Variants in MSRA observed in about 807,000 individuals in gnomAD.
MSRA encodes the protein methionine sulfoxide reductase A.
Under a neutral mutation model 31.3 loss-of-function variants are expected in MSRA, and 54 were observed. The observed-to-expected ratio is 1.73, with a 90% CI of 1.39 to 2.17. The LOEUF (loss-of-function observed/expected upper bound fraction) is 2.17. Ranked by LOEUF, MSRA falls within the 30% of genes most tolerant of loss-of-function variation. The pLI is 0.00. For missense variants in MSRA, 507 were observed against 300.9 expected (o/e 1.69, Z -5.07); for synonymous variants, 169 against 116.5 (o/e 1.45, Z -2.90).
At position 10,410,184 on chromosome 8, in the gene MSRA, T is replaced by G. The variant is rs541628141; in HGVS notation, c.544-17964T>G. Among the ~76,000 whole-genome samples, 3 of 152,318 alleles carry G rather than the reference T, an allele frequency of 2.0e-5. No homozygotes were observed. The East Asian group carries it at 5.8e-4, about 29-fold the overall frequency. On this transcript the variant is annotated intron_variant, in intron 5 of 5. Coordinates refer to ENST00000317173, the MANE Select transcript of MSRA (RefSeq NM_012331.5). ...CATCCGTTGCTGTGGGTTTGTGACATTGTGACATGGAGTATGCATGTGTGG... is the reference window on the plus strand; with the variant it reads ...CATCCGTTGCTGTGGGTTTGTGACAGTGTGACATGGAGTATGCATGTGTGG...
intron 1 of MSRA, among the ~76,000 whole-genome samples, chr8:10,150,439 C>G (rs1425038567): frequency 6.6e-6 from 1 of 152,170 alleles, no homozygotes; most frequent in African/African-American, 2.4e-5. Flanking sequence ...AAATACATAA[C>G]TCTAAACATC....
intron 1 of MSRA, among the ~76,000 whole-genome samples, chr8:10,130,982 G>T (rs996768441): frequency 3.3e-5 from 5 of 152,206 alleles, no homozygotes; most frequent in African/African-American, 9.7e-5. Flanking sequence ...AGCTGAGTGT[G>T]TATATAGAGA....
chr8:10,343,079 T>C (rs181080732), intron 5 of MSRA, among the ~76,000 whole-genome samples: 19 of 150,040 alleles, frequency 1.3e-4, no homozygotes, highest in Admixed American at 2.0e-4. Flanking sequence ...ACACACATTT[T>C]AGCTTCCCAG....
intron 1 of MSRA, among the ~76,000 whole-genome samples, chr8:10,116,991 G>A (rs887354352): frequency 3.3e-5 from 5 of 152,150 alleles, no homozygotes; most frequent in Non-Finnish European, 5.9e-5. Flanking sequence ...GCCATATTGA[G>A]GCAGAGGCTC....
rs73532710 is a variant in MSRA at position 10,180,746 on chromosome 8, G to C, written c.143-27087G>C. 1.7e-3 allele frequency among the ~76,000 whole-genome samples: 265 copies of C among 152,198 alleles called. 1 individual carries two copies. Among genetic ancestry groups the C allele is most frequent in the African/African-American group, 5.7e-3 (237 of 41,532 alleles). ...GTATATATTTCGTGTATTTTTGTCT[G>C]GTATCAGACACTGTTGGAAATTGTG... On this transcript the variant is annotated intron_variant, in intron 1 of 5. Transcript: ENST00000317173.
intron 2 of MSRA, among the ~76,000 whole-genome samples, chr8:10,209,055 C>G (rs1809256684): frequency 6.6e-6 from 1 of 152,180 alleles, no homozygotes; most frequent in Admixed American, 6.5e-5. Flanking sequence ...GTAAATCATG[C>G]TCTGTGTAGG....
chr8:10,329,248 A>G (rs1802551497), intron 5 of MSRA, among the ~76,000 whole-genome samples: 1 of 152,202 alleles, frequency 6.6e-6, no homozygotes, highest in Non-Finnish European at 1.5e-5. Flanking sequence ...AGAAGCCCAA[A>G]GTCAATTTCC....
At position 10,064,189 on chromosome 8, in the gene MSRA, G is replaced by C. The variant is rs561576983; in HGVS notation, c.142+9531G>C. Among the ~76,000 whole-genome samples, 48 of 152,230 alleles carry C rather than the reference G, an allele frequency of 3.2e-4. No homozygotes were observed. In the South Asian group the frequency reaches 9.1e-3, roughly 29 times the overall value. ...CTCAGATTCCAGCTGCTTTCTCCTG[G>C]ATATCCTATCAAAATGCCCTCTCCG... On this transcript the variant is annotated intron_variant, in intron 1 of 5. Transcript: ENST00000317173.
chr8:10,428,655 T>A lies in MSRA; in HGVS notation c.*343T>A. On this transcript the variant is annotated 3_prime_UTR_variant, in exon 6 of 6. Coordinates refer to ENST00000317173, the MANE Select transcript of MSRA (RefSeq NM_012331.5). ...AGGATGGGGGACCCCAGAAGTCCTT[T>A]ATCTGTGCTCTCTGCCCGCCAGTGC... The A allele has an allele frequency of 3.4e-6, 1 of 291,274 alleles. No homozygotes were observed. Among genetic ancestry groups the A allele is most frequent in the Non-Finnish European group, 6.4e-6 (1 of 156,258 alleles). 18.0% of individuals were successfully genotyped at this position (291,274 alleles called of 1,614,324 possible).
intron 1 of MSRA, among the ~76,000 whole-genome samples, chr8:10,125,917 C>G (rs1382006886): frequency 6.6e-6 from 1 of 152,176 alleles, no homozygotes; most frequent in African/African-American, 2.4e-5. Flanking sequence ...GACAAAACCA[C>G]TAACTGCTTT....
At chr8:10,173,269 G>A (rs751495244) in intron 1 of MSRA, among the ~76,000 whole-genome samples, 1 of 152,250 alleles carries the variant, frequency 6.6e-6, no homozygotes, top group Non-Finnish European at 1.5e-5. Context: ...TCTGCCTGCA[G>A]CCTTTGTTCT....
At chr8:10,065,774 T>C (rs1797425727) in intron 1 of MSRA, among the ~76,000 whole-genome samples, 1 of 152,140 alleles carries the variant, frequency 6.6e-6, no homozygotes, top group African/African-American at 2.4e-5. Context: ...TTGATAGAGT[T>C]TTTAAAGTGA....
intron 3 of MSRA, among the ~76,000 whole-genome samples, chr8:10,254,044 C>A (rs958774180): frequency 1.3e-5 from 2 of 152,060 alleles, no homozygotes; most frequent in Non-Finnish European, 2.9e-5. Flanking sequence ...CTGCCGGGGA[C>A]TCCTCAGCCT....
intron 1 of MSRA, among the ~76,000 whole-genome samples, chr8:10,086,531 G>C (rs569009097): frequency 1.3e-5 from 2 of 152,234 alleles, no homozygotes; most frequent in African/African-American, 2.4e-5. Flanking sequence ...TGATGGTCTG[G>C]ACAAGTCACA....
In MSRA at chr8:10,385,337, C is replaced by G. The variant is rs117246816; in HGVS notation, c.544-42811C>G. Among the ~76,000 whole-genome samples, 1,519 of 152,274 alleles carry G rather than the reference C, an allele frequency of 1.0e-2. 7 individuals are homozygous for G. Among genetic ancestry groups the G allele is most frequent in the Non-Finnish European group, 0.016 (1,095 of 68,030 alleles). ...CAGGATTCTTACTAAAATTGGACAA[C>G]GCAGGGACAAAGGTAGAAGCCTAGA... On this transcript the variant is annotated intron_variant, in intron 5 of 5. Coordinates refer to ENST00000317173, the MANE Select transcript of MSRA (RefSeq NM_012331.5).
At chr8:10,099,317 G>A (rs571686609) in intron 1 of MSRA, among the ~76,000 whole-genome samples, 96 of 152,320 alleles carry the variant, frequency 6.3e-4, no homozygotes, top group African/African-American at 2.1e-3. Flanking sequence ...TGTCTCAGCC[G>A]TGGGTATACA....
chr8:10,147,042 C>T (rs991050399), intron 1 of MSRA, among the ~76,000 whole-genome samples: 1 of 152,156 alleles, frequency 6.6e-6, no homozygotes, highest in African/African-American at 2.4e-5. Flanking sequence ...GGTGGCCCTT[C>T]CCAGGTACAG....
At chr8:10,134,327 C>T (rs1161872246) in intron 1 of MSRA, among the ~76,000 whole-genome samples, 3 of 152,194 alleles carry the variant, frequency 2.0e-5, no homozygotes, top group Middle Eastern at 3.2e-3. Context: ...GGGTGTTTAC[C>T]GTTTGGAAAC....
At chr8:10,157,135 A>G (rs1804225033) in intron 1 of MSRA, among the ~76,000 whole-genome samples, 1 of 152,128 alleles carries the variant, frequency 6.6e-6, no homozygotes, top group Non-Finnish European at 1.5e-5. Flanking sequence ...TTCATCCTCC[A>G]GTATCATGCT....
Sources: allele counts gnomAD v4.1 joint callset (sites outside exome capture counted in the v4.1 genomes callset), GRCh38; gene constraint gnomAD v4.1.1; transcripts MANE v1.5; gene names NCBI Gene and HGNC (gene_info 2026-07-23, HGNC 2026-07-21).